The following TSHR variants were observed in gnomAD, a reference collection of about 807,000 sequenced individuals.
TSHR encodes thyrotropin receptor.
A neutral mutation model predicts 64.1 loss-of-function variants in TSHR; 51 were observed. The ratio of observed to expected loss-of-function variants is 0.80; its 90% CI spans 0.64 to 1.01. The LOEUF (loss-of-function observed/expected upper bound fraction) is 1.01, where lower values mean the gene tolerates loss of function less well. Among genes scored for constraint, TSHR ranks in the 50% least tolerant of loss-of-function variants. TSHR has a pLI of 0.00. For synonymous variants in TSHR, 361 were observed against 361.9 expected (o/e 1.00, Z 0.03); for missense variants, 877 against 942.8 (o/e 0.93, Z 0.91).
Position 81,145,935 on chromosome 14 carries a change from G to A in TSHR, c.*1582G>A, listed in dbSNP as rs1035966930. On this transcript the variant is annotated 3_prime_UTR_variant, in exon 10 of 10. Coordinates refer to ENST00000298171, the MANE Select transcript of TSHR (RefSeq NM_000369.5). ...CTCTTTGTTGTTTTAAGATTGTGAA[G>A]TGTCGTTAATGGGTCCCCACAGATG... The A allele has an allele frequency of 4.3e-6, 1 of 232,280 alleles. No homozygotes were observed. The highest frequency in any genetic ancestry group is 2.2e-5 in the African/African-American group (1 of 45,284). The allele number at this position is 232,280 out of a possible 1,614,324, so 14.4% of individuals were successfully genotyped here.
intron 1 of TSHR, among the ~76,000 whole-genome samples, chr14:80,991,327 G>C (rs1888716801): frequency 6.6e-6 from 1 of 152,074 alleles, no homozygotes; most frequent in Admixed American, 6.5e-5. Context: ...AAAAAGCCTT[G>C]AAAACTTGGA....
rs778338822 is a variant in TSHR, at chr14:81,108,357, TTC to T, written c.615-9_615-8del. 5.9e-6 allele frequency: 7 copies of T among 1,191,826 alleles called. No individual in the cohort carries two copies. Among genetic ancestry groups the T allele is most frequent in the Non-Finnish European group, 8.4e-6 (7 of 833,722 alleles). The allele number at this position is 1,191,826 out of a possible 1,614,324, so 73.8% of individuals were successfully genotyped here. ...CACCTAATTCATTCTCTCTCTCTCT[TTC>T]TCTCTCTCCCTCTAGTTACCTAAAC... On this transcript the variant is annotated splice_polypyrimidine_tract_variant and intron_variant, in intron 7 of 9. Coordinates refer to ENST00000298171, the MANE Select transcript of TSHR (RefSeq NM_000369.5).
chr14:81,106,760 C>T (rs1889918379), intron 7 of TSHR, among the ~76,000 whole-genome samples: 1 of 151,982 alleles, frequency 6.6e-6, no homozygotes, highest in Non-Finnish European at 1.5e-5. Context: ...GCCTGGCCAA[C>T]ATGGTGAAAC....
At chr14:81,064,958 G>A (rs925364621) in intron 2 of TSHR, among the ~76,000 whole-genome samples, 5 of 152,178 alleles carry the variant, frequency 3.3e-5, no homozygotes, top group Non-Finnish European at 5.9e-5. Context: ...AGGAAGTCAT[G>A]TTGTAGGACT....
At chr14:81,055,347 C>A (rs2139876442) in intron 1 of TSHR, among the ~76,000 whole-genome samples, 1 of 152,310 alleles carries the variant, frequency 6.6e-6, no homozygotes, top group East Asian at 1.9e-4. Flanking sequence ...AGAATCTCTG[C>A]TAAGGCAGTG....
intron 1 of TSHR, among the ~76,000 whole-genome samples, chr14:81,008,374 T>A (rs113391792): frequency 5.5e-4 from 84 of 152,084 alleles, no homozygotes; most frequent in African/African-American, 2.0e-3. Flanking sequence ...GAGTTTCACC[T>A]TGTTAGCCAG....
chr14:81,103,599 G>C lies in TSHR; in HGVS notation c.615-4776G>C. Reference sequence around the variant, plus strand: ...ATTTCATGAAAATGATGGCAGATGTGTAAAAGCACATTGTCCTATGACTTC... The same window carrying C: ...ATTTCATGAAAATGATGGCAGATGTCTAAAAGCACATTGTCCTATGACTTC... On this transcript the variant is annotated intron_variant, in intron 7 of 9. Coordinates refer to ENST00000298171, the MANE Select transcript of TSHR (RefSeq NM_000369.5). This position sits in a 1 kb window ranked among gnomAD's most constrained non-coding sequence, Gnocchi z 4.1. 1 of 985,484 alleles carries C rather than the reference G, an allele frequency of 1.0e-6. No individual in the cohort carries two copies. The highest frequency in any genetic ancestry group is 1.2e-6 in the Non-Finnish European group (1 of 829,942). 61.0% of individuals were successfully genotyped at this position (985,484 alleles called of 1,614,324 possible).
At chr14:81,088,174 G>A (rs1888434488) in intron 4 of TSHR, 146 bp downstream of exon 4, 1 of 682,272 alleles carries the variant, frequency 1.5e-6, no homozygotes, top group Non-Finnish European at 2.6e-6. Flanking sequence ...GGTATCGGGT[G>A]AAATGATCCA....
intron 1 of TSHR, among the ~76,000 whole-genome samples, chr14:80,977,017 G>T (rs1313821948): frequency 1.3e-5 from 2 of 152,220 alleles, no homozygotes; most frequent in Non-Finnish European, 2.9e-5. Context: ...TTGTGCCTTT[G>T]GTAGGCTCTT....
intron 1 of TSHR, among the ~76,000 whole-genome samples, chr14:81,000,846 G>A (rs987154556): frequency 4.6e-5 from 7 of 152,176 alleles, no homozygotes; most frequent in African/African-American, 1.7e-4. Flanking sequence ...AGGGAAGTGG[G>A]GTCTATAGAG....
intron 4 of TSHR, among the ~76,000 whole-genome samples, chr14:81,089,056 T>C (rs1888515111): frequency 6.6e-6 from 1 of 151,112 alleles, no homozygotes; most frequent in Non-Finnish European, 1.5e-5. Context: ...GGTGTGATCT[T>C]GGCTCACTGC....
At chr14:80,969,591 G>T (rs1345411719) in intron 1 of TSHR, among the ~76,000 whole-genome samples, 2 of 152,194 alleles carry the variant, frequency 1.3e-5, no homozygotes, top group Non-Finnish European at 2.9e-5. Context: ...TACAGGAGAA[G>T]TATCTTGATT....
At position 81,019,567 on chromosome 14, in the gene TSHR, G is replaced by A. The variant is rs186025940; in HGVS notation, c.171-42581G>A. ...GGCTGTTTGCTGCACCCATCAACCCGTCATCTACATTAGGTATTTCTCCTA... is the reference window on the plus strand; with the variant it reads ...GGCTGTTTGCTGCACCCATCAACCCATCATCTACATTAGGTATTTCTCCTA... On this transcript the variant is annotated intron_variant, in intron 1 of 9. Coordinates refer to ENST00000298171, the MANE Select transcript of TSHR (RefSeq NM_000369.5). Among the ~76,000 whole-genome samples, 30 of 148,654 alleles carry A rather than the reference G, an allele frequency of 2.0e-4. 1 individual carries two copies. The highest frequency in any genetic ancestry group is 4.8e-4 in the Admixed American group (7 of 14,482).
rs1233746286 is a variant in TSHR, at chr14:81,144,241, T to C, written c.2183T>C (p.Met728Thr). ...DIQVQKVTHE[M>T]RQGLHNMEDV... is the part of the protein sequence containing the mutation. ...CAGGTTCAAAAGGTTACCCACGAGA[T>C]GAGGCAGGGTCTCCACAACATGGAA... Residue 728 changes from methionine (M) to threonine (T), a missense_variant, in exon 10 of 10, where the codon ATG becomes ACG. Coordinates refer to ENST00000298171, the MANE Select transcript of TSHR (RefSeq NM_000369.5). 1.2e-6 allele frequency: 2 copies of C among 1,613,480 alleles called. No homozygotes were observed. The highest frequency in any genetic ancestry group is 4.5e-5 in the East Asian group (2 of 44,874).
At chr14:81,004,514 C>T (rs1242614266) in intron 1 of TSHR, among the ~76,000 whole-genome samples, 1 of 152,196 alleles carries the variant, frequency 6.6e-6, no homozygotes, top group African/African-American at 2.4e-5. Context: ...ACATACTATT[C>T]CCCTTGCCTG....
chr14:81,048,176 A>T (rs1885261912), intron 1 of TSHR, among the ~76,000 whole-genome samples: 1 of 151,974 alleles, frequency 6.6e-6, no homozygotes, highest in Non-Finnish European at 1.5e-5. Flanking sequence ...CCAACTCATC[A>T]CCCTACTTCC....
chr14:80,977,391 C>T (rs1887934953), intron 1 of TSHR, among the ~76,000 whole-genome samples: 1 of 152,192 alleles, frequency 6.6e-6, no homozygotes, highest in Non-Finnish European at 1.5e-5. Context: ...CAAATTGCTG[C>T]TGAGTCTGCC....
intron 1 of TSHR, among the ~76,000 whole-genome samples, chr14:81,008,404 C>T (rs894628864): frequency 6.6e-6 from 1 of 152,100 alleles, no homozygotes; most frequent in Non-Finnish European, 1.5e-5. Context: ...CATCTCCTGA[C>T]TTCATGATCT....
chr14:81,060,599 A>C (rs1191614897), intron 1 of TSHR, among the ~76,000 whole-genome samples: 1 of 152,152 alleles, frequency 6.6e-6, no homozygotes, highest in Non-Finnish European at 1.5e-5. Context: ...TGATTAGGCA[A>C]GTTACAGATA....
Sources: allele counts gnomAD v4.1 joint callset (sites outside exome capture counted in the v4.1 genomes callset), GRCh38; gene constraint gnomAD v4.1.1; non-coding constraint Gnocchi (gnomAD v3.1); transcripts MANE v1.5; gene names NCBI Gene and HGNC (gene_info 2026-07-23, HGNC 2026-07-21).